The following RUVBL1 variants were observed in gnomAD, a reference collection of about 807,000 sequenced individuals.
RUVBL1 encodes RuvB like AAA ATPase 1, also known as ruvB-like 1.
A neutral mutation model predicts 52.4 loss-of-function variants in RUVBL1; 4 were observed. The ratio of observed to expected loss-of-function variants is 0.08; its 90% CI spans 0.04 to 0.17. The LOEUF (loss-of-function observed/expected upper bound fraction) is 0.17, where lower values mean the gene tolerates loss of function less well. Ranked by LOEUF, RUVBL1 falls within the 10% of genes least tolerant of loss-of-function variation. The pLI is 1.00. For synonymous variants in RUVBL1, 217 were observed against 214.4 expected, an observed-to-expected ratio of 1.01 and a Z score of -0.10; for missense variants, 298 against 572.8, an observed-to-expected ratio of 0.52 and a Z score of 4.90.
chr3:128,106,321 C>G (rs1389079619), intron 3 of RUVBL1, among the ~76,000 whole-genome samples: 1 of 152,158 alleles, frequency 6.6e-6, no homozygotes, highest in African/African-American at 2.4e-5. Context: ...TGTTCATTAT[C>G]CAAGAATCAT....
At chr3:128,150,850 CTATATAT>C (rs1335361477) in intron 1 of RUVBL1, among the ~76,000 whole-genome samples, 16 of 71,512 alleles carry the variant, frequency 2.2e-4, no homozygotes, top group East Asian at 1.1e-3. Flanking sequence ...TATATATATT[CTATATAT>C]TATATATTAT....
intron 1 of RUVBL1, among the ~76,000 whole-genome samples, chr3:128,130,974 C>T (rs1943869470): frequency 6.6e-6 from 1 of 151,626 alleles, no homozygotes; most frequent in Admixed American, 6.6e-5. Context: ...ATTTTATTTG[C>T]CAGGCATGAT....
chr3:128,148,418 T>C lies in RUVBL1; in HGVS notation c.-40+4785A>G, dbSNP rs1944135670. Among the ~76,000 whole-genome samples, 3 of 152,272 alleles carry C rather than the reference T, an allele frequency of 2.0e-5. No individual in the cohort carries two copies. The South Asian group carries it at 6.2e-4, about 32-fold the overall frequency. ...TTTGCTGCTTAAAAAACTGGGAGGA[T>C]GCAGTTCTCATTCACTGTGATGGGA... On this transcript the variant is annotated intron_variant, in intron 1 of 9. Coordinates refer to the RUVBL1 transcript ENST00000464873.
At chr3:128,120,088 A>G (rs1943609205) in intron 1 of RUVBL1, among the ~76,000 whole-genome samples, 1 of 152,210 alleles carries the variant, frequency 6.6e-6, no homozygotes, top group African/African-American at 2.4e-5. Context: ...ACAAGTGGGA[A>G]CACTGATTTT....
chr3:128,120,620 G>T (rs1224050685), intron 1 of RUVBL1, among the ~76,000 whole-genome samples: 4 of 152,062 alleles, frequency 2.6e-5, no homozygotes, highest in African/African-American at 9.7e-5. Context: ...TATCTAAAAG[G>T]TGCTCTTCTC....
At chr3:128,066,253 G>T (rs1021506067) in intron 9 of RUVBL1, among the ~76,000 whole-genome samples, 1 of 152,168 alleles carries the variant, frequency 6.6e-6, no homozygotes, top group Non-Finnish European at 1.5e-5. Context: ...CTCAGAGCCA[G>T]TGTAAAAGCT....
At chr3:128,151,849 C>T (rs182147007) in intron 1 of RUVBL1, among the ~76,000 whole-genome samples, 4 of 152,280 alleles carry the variant, frequency 2.6e-5, no homozygotes, top group East Asian at 3.9e-4. Context: ...TGAATACATC[C>T]GCACATGGTC....
chr3:128,147,980 AAAG>A (rs1161854496), intron 1 of RUVBL1, among the ~76,000 whole-genome samples: 2 of 152,234 alleles, frequency 1.3e-5, no homozygotes, highest in African/African-American at 4.8e-5. Context: ...ATGCTAAGTG[AAAG>A]AAGCTGGACC....
chr3:128,134,458 C>CAAAAA (rs55972505), intron 1 of RUVBL1, among the ~76,000 whole-genome samples: 1 of 107,572 alleles, frequency 9.3e-6, no homozygotes, highest in Admixed American at 1.0e-4. Flanking sequence ...GTGAAACTGT[C>CAAAAA]AAAAAAAAAA....
At chr3:128,153,480 G>C in exon 1 of RUVBL1, 1 of 1,471,630 alleles carries the variant, frequency 6.8e-7, no homozygotes, top group Non-Finnish European at 8.9e-7. Flanking sequence ...GGGCGGGCCG[G>C]GCGGGTGTCC....
chr3:128,090,552 T>C lies in RUVBL1; in HGVS notation c.1017-2744A>G, dbSNP rs75970351. Among the ~76,000 whole-genome samples the C allele has an allele frequency of 2.4e-4, 36 of 152,180 alleles. No individual in the cohort carries two copies. In the East Asian group the frequency reaches 7.0e-3, roughly 29 times the overall value. The stretch of plus-strand genomic sequence containing the variant: ...AAAAAATTAAAATCTTCAAAGTAAA[T>C]ATGGAAACAAACTAATAGGAAATAC... On this transcript the variant is annotated intron_variant, in intron 8 of 10. Coordinates refer to ENST00000322623, the MANE Select transcript of RUVBL1 (RefSeq NM_003707.3).
intron 2 of RUVBL1, among the ~76,000 whole-genome samples, chr3:128,117,074 T>C (rs1351383454): frequency 1.3e-5 from 2 of 152,174 alleles, no homozygotes; most frequent in South Asian, 4.1e-4. Flanking sequence ...GTATAGGGTA[T>C]AGAGGGGCTC....
intron 2 of RUVBL1, among the ~76,000 whole-genome samples, chr3:128,115,591 C>T (rs984334102): frequency 8.5e-5 from 13 of 152,198 alleles, no homozygotes; most frequent in Non-Finnish European, 1.9e-4. Flanking sequence ...GGTAATACCA[C>T]AGTGCTGAGC....
In RUVBL1 at chr3:128,081,765, A is replaced by G. The variant is rs1576439162; in HGVS notation, c.1212-356T>C. 1.0e-5 allele frequency: 2 copies of G among 194,502 alleles called. No individual in the cohort carries two copies. The highest frequency in any genetic ancestry group is 1.5e-4 in the South Asian group (1 of 6,834). 12.0% of individuals were successfully genotyped at this position (194,502 alleles called of 1,614,324 possible). On this transcript the variant is annotated intron_variant, in intron 10 of 10. Transcript: ENST00000322623. The surrounding 1 kb of genome is among the most constrained non-coding windows in gnomAD (Gnocchi z 4.8). ...TAGGGATATTTAACATGGCAGGGAA[A>G]TGAAAACATAGCCAGCTGGAAGTAC...
At chr3:128,096,298 T>C (rs907013185) in intron 8 of RUVBL1, among the ~76,000 whole-genome samples, 1 of 152,128 alleles carries the variant, frequency 6.6e-6, no homozygotes, top group Non-Finnish European at 1.5e-5. Flanking sequence ...GCTTGAGAGA[T>C]GGGAAGATGG....
chr3:128,149,683 G>A (rs959880680), intron 1 of RUVBL1, among the ~76,000 whole-genome samples: 4 of 152,206 alleles, frequency 2.6e-5, no homozygotes, highest in Admixed American at 6.5e-5. Context: ...CAACTGTCTG[G>A]AGGAAGGAGT....
Position 128,082,574 on chromosome 3 carries a change from T to C in RUVBL1, c.1120A>G (p.Ile374Val). 1 of 1,610,198 alleles carries C rather than the reference T, an allele frequency of 6.2e-7. No homozygotes were observed. Among genetic ancestry groups the C allele is most frequent in the African/African-American group, 1.3e-5 (1 of 74,800 alleles). ...MLYTPQEMKQ[I>V]IKIRAQTEGI... is the part of the protein sequence containing the mutation. ...TCCGTCTGGGCACGGATTTTAATGA[T>C]CTTTTAAAGGATAAAAAACATGATC... The change falls in exon 10 of 11, where the codon ATC becomes GTC. Residue 374 changes from isoleucine (I) to valine (V), a missense_variant and splice_region_variant. Transcript: ENST00000322623. This position sits in a 1 kb window ranked among gnomAD's most constrained non-coding sequence, Gnocchi z 4.7.
intron 3 of RUVBL1, among the ~76,000 whole-genome samples, chr3:128,112,626 AAC>A (rs1301692897): frequency 6.6e-6 from 1 of 152,248 alleles, no homozygotes; most frequent in African/African-American, 2.4e-5. Context: ...TCATTAAAAA[AAC>A]ACTTTTAGAC....
intron 3 of RUVBL1, 93 bp downstream of exon 3, chr3:128,112,795 C>A: frequency 7.3e-7 from 1 of 1,370,336 alleles, no homozygotes. Flanking sequence ...GCCACGAATA[C>A]CAGTCATAAA....
Sources: gnomAD v4.1 joint callset for allele counts (sites outside exome capture counted in the v4.1 genomes callset) on GRCh38, gnomAD v4.1.1 for gene constraint, Gnocchi (gnomAD v3.1) non-coding constraint, MANE v1.5 for transcripts, NCBI Gene and HGNC (gene_info 2026-07-23, HGNC 2026-07-21) for gene names.